The following ZNF563 variants were observed in gnomAD, a reference collection of about 807,000 sequenced individuals.
The protein encoded by ZNF563 is zinc finger protein 563.
In ZNF563, 39 loss-of-function variants were observed where a neutral mutation model predicts 48.5. The observed-to-expected ratio is 0.80, with a 90% CI of 0.62 to 1.05. The LOEUF is 1.05. Ranked by LOEUF, ZNF563 falls within the 50% of genes least tolerant of loss-of-function variation. The pLI, the probability that ZNF563 is intolerant of heterozygous loss-of-function variation, is 0.00. For synonymous variants in ZNF563, 168 were observed against 187.9 expected, an observed-to-expected ratio of 0.89 and a Z score of 0.87; for missense variants, 538 against 597.0, an observed-to-expected ratio of 0.90 and a Z score of 1.03.
intron 1 of ZNF563, 120 bp downstream of exon 1, chr19:12,333,360 G>C: frequency 7.3e-7 from 1 of 1,376,738 alleles, no homozygotes. Context: ...TGCGCCAGGG[G>C]GACTCGGGTC....
the ZNF563 span, among the ~76,000 whole-genome samples, chr19:12,343,507 A>G: frequency 6.6e-6 from 1 of 152,184 alleles, no homozygotes; most frequent in South Asian, 2.1e-4. Context: ...AGAAGTAAAT[A>G]ATAAAGAGTA....
intron 1 of ZNF563, among the ~76,000 whole-genome samples, chr19:12,329,472 CAAAA>C (rs754295632): frequency 1.3e-4 from 10 of 75,918 alleles, no homozygotes; most frequent in Non-Finnish European, 1.9e-4. Flanking sequence ...GACTCCATCT[CAAAA>C]AAAAAAAAAA....
At chr19:12,346,034 AC>A in the ZNF563 span, 1 of 152,156 alleles carries the variant, frequency 6.6e-6, no homozygotes, top group African/African-American at 2.4e-5. Context: ...GAAATTAAAA[AC>A]TTTTGCGCAC....
chr19:12,342,049 T>A, the ZNF563 span, among the ~76,000 whole-genome samples: 1 of 152,212 alleles, frequency 6.6e-6, no homozygotes, highest in South Asian at 2.1e-4. Flanking sequence ...TCTTGCTCTG[T>A]CACCTAAGTT....
the ZNF563 span, among the ~76,000 whole-genome samples, chr19:12,344,182 C>T: frequency 2.0e-5 from 3 of 151,960 alleles, no homozygotes; most frequent in Non-Finnish European, 2.9e-5. Context: ...TGCTTGAGCC[C>T]AGCAATTCGA....
intron 1 of ZNF563, 85 bp from the exon 2 acceptor site, chr19:12,322,796 C>T (rs1057421879): frequency 5.2e-6 from 7 of 1,355,204 alleles, no homozygotes; most frequent in Admixed American, 2.5e-5. Context: ...TCATATGATG[C>T]TGTGCTTTCC....
rs138303984 is a variant in ZNF563 at position 12,317,894 on chromosome 19, A to G, written c.*700T>C. 8.9e-3 allele frequency: 1,717 copies of G among 192,428 alleles called. 37 individuals are homozygous for G. The highest frequency in any genetic ancestry group is 0.038 in the African/African-American group (1,620 of 42,450). 11.9% of individuals were successfully genotyped at this position (192,428 alleles called of 1,614,324 possible). A position where few individuals can be genotyped will look rare whatever the true frequency, so the allele number is the denominator to read the frequency against. On this transcript the variant is annotated 3_prime_UTR_variant, in exon 4 of 4. Transcript: ENST00000293725. The stretch of plus-strand genomic sequence containing the variant: ...ACTTCCCTACATTTCACACATTTAT[A>G]GAGTATCTCTCCAGTGAGTCCTTTT...
chr19:12,326,409 C>A (rs145424740), intron 1 of ZNF563, among the ~76,000 whole-genome samples: 1 of 152,022 alleles, frequency 6.6e-6, no homozygotes, highest in Non-Finnish European at 1.5e-5. Flanking sequence ...TTTGGGAGGC[C>A]GAGGGGAGCG....
rs1294148693 is a variant in ZNF563 at position 12,318,318 on chromosome 19, G to A, written c.*276C>T. 6.4e-6 allele frequency: 3 copies of A among 466,830 alleles called. No individual in the cohort carries two copies. The highest frequency in any genetic ancestry group is 1.1e-5 in the Non-Finnish European group (3 of 262,934). The allele number at this position is 466,830 out of a possible 1,614,324, so 28.9% of individuals were successfully genotyped here. On this transcript the variant is annotated 3_prime_UTR_variant, in exon 4 of 4. Transcript: ENST00000293725. The stretch of plus-strand genomic sequence containing the variant: ...TCATGTACTTTTAAGTTACCAAAAT[G>A]ACTGAAGGCTTCCCTACATATTTTA...
chr19:12,321,380 TA>T, intron 2 of ZNF563, 48 bp from the exon 3 acceptor site: 1 of 1,245,306 alleles, frequency 8.0e-7, no homozygotes. Flanking sequence ...GAAAATTATA[TA>T]AAACAGTAAG....
Position 12,319,706 on chromosome 19 carries a change from C to A in ZNF563, c.319G>T (p.Glu107Ter). The stretch of plus-strand genomic sequence containing the variant: ...TGACCCATTATGACTTCTTCACACT[C>A]AGCGCTTTGACATGGATCTTCTCCA... ...CPGEDPCQSA[E>*]CEEVIMGHLS... The change falls in exon 4 of 4, where the codon GAG becomes TAG. Residue 107 changes from glutamate (E) to a stop codon, truncating the protein, a stop_gained. Coordinates refer to ENST00000293725, the MANE Select transcript of ZNF563 (RefSeq NM_145276.3). LOFTEE classifies it high-confidence loss of function. 2 of 1,614,156 alleles carry A rather than the reference C, an allele frequency of 1.2e-6. No homozygotes were observed. The highest frequency in any genetic ancestry group is 1.6e-4 in the Middle Eastern group (1 of 6,062).
Position 12,317,975 on chromosome 19 carries a change from TA to T in ZNF563, c.*618del. The T allele has an allele frequency of 5.8e-6, 1 of 171,628 alleles. No individual in the cohort carries two copies. Among genetic ancestry groups the T allele is most frequent in the Admixed American group, 6.1e-5 (1 of 16,304 alleles). 10.6% of individuals were successfully genotyped at this position (171,628 alleles called of 1,614,324 possible). On this transcript the variant is annotated 3_prime_UTR_variant, in exon 4 of 4. Coordinates refer to ENST00000293725, the MANE Select transcript of ZNF563 (RefSeq NM_145276.3). Reference sequence around the variant, plus strand: ...TGCTTTTCTACATTTCTTACATTCATATGACTTCTCTCCAGAGTGAATCCTT... The same window carrying T: ...TGCTTTTCTACATTTCTTACATTCATTGACTTCTCTCCAGAGTGAATCCTT...
chr19:12,341,140 T>G, the ZNF563 span, among the ~76,000 whole-genome samples: 168 of 152,334 alleles, frequency 1.1e-3, no homozygotes, highest in African/African-American at 3.9e-3. Context: ...AGCCTCGACC[T>G]CCTGGGTTCA....
chr19:12,328,298 C>A (rs148997226), intron 1 of ZNF563, among the ~76,000 whole-genome samples: 1 of 152,296 alleles, frequency 6.6e-6, no homozygotes, highest in Non-Finnish European at 1.5e-5. Context: ...CATAGTGAGA[C>A]CTTGTCTCTA....
intron 1 of ZNF563, 27 bp downstream of exon 1, chr19:12,333,453 T>G: frequency 6.2e-7 from 1 of 1,613,348 alleles, no homozygotes; most frequent in Non-Finnish European, 8.5e-7. Context: ...TTTCCCACTT[T>G]TGGGACGCCT....
the ZNF563 span, among the ~76,000 whole-genome samples, chr19:12,339,244 C>T: frequency 2.7e-5 from 4 of 147,522 alleles, no homozygotes; most frequent in African/African-American, 7.5e-5. Context: ...GTCCTTGTGG[C>T]TCTTGTCTGA....
At chr19:12,346,976 T>C in the ZNF563 span, 3 of 152,284 alleles carry the variant, frequency 2.0e-5, no homozygotes, top group South Asian at 6.2e-4. Context: ...GAACACTAAG[T>C]AGATAGAGCA....
chr19:12,344,329 G>A, the ZNF563 span, among the ~76,000 whole-genome samples: 1 of 147,826 alleles, frequency 6.8e-6, no homozygotes, highest in African/African-American at 2.5e-5. Flanking sequence ...CACCACTCCA[G>A]TCCAGCCTGG....
At chr19:12,332,688 C>T (rs1009259841) in intron 1 of ZNF563, among the ~76,000 whole-genome samples, 2 of 152,076 alleles carry the variant, frequency 1.3e-5, no homozygotes, top group African/African-American at 4.8e-5. Context: ...TATCAAACAC[C>T]GGGGCTGACA....
Sources: gnomAD v4.1 joint callset for allele counts (sites outside exome capture counted in the v4.1 genomes callset) on GRCh38, gnomAD v4.1.1 for gene constraint, MANE v1.5 for transcripts, NCBI Gene and HGNC (gene_info 2026-07-23, HGNC 2026-07-21) for gene names.